ELFN2: variants seen among roughly 807,000 people sequenced by gnomAD.
ELFN2 encodes protein phosphatase 1 regulatory subunit 29.
Under a neutral mutation model 45.5 loss-of-function variants are expected in ELFN2, and 17 were observed. The ratio of observed to expected loss-of-function variants is 0.37; its 90% CI spans 0.26 to 0.56. ELFN2 has a LOEUF of 0.56. Among genes scored for constraint, ELFN2 ranks in the 20% least tolerant of loss-of-function variants. The pLI is 0.77. For missense variants in ELFN2, 922 were observed against 1,183.2 expected (o/e 0.78, Z 3.24); for synonymous variants, 550 against 551.5 (o/e 1.00, Z 0.04).
At position 37,368,262 on chromosome 22, in the gene ELFN2, TG is replaced by T. The variant is rs1931253163; in HGVS notation, c.*4809del. 1.4e-5 allele frequency: 2 copies of T among 147,924 alleles called. No individual in the cohort carries two copies. Among genetic ancestry groups the T allele is most frequent in the South Asian group, 4.5e-4 (2 of 4,422 alleles). The allele number at this position is 147,924 out of a possible 1,614,324, so 9.2% of individuals were successfully genotyped here. ...ACCAGGTGCCCAACCACAGCCAACT[TG>T]GGGACTGGCGGCTCCTGAGGAAGGG... On this transcript the variant is annotated 3_prime_UTR_variant, in exon 3 of 3. Transcript: ENST00000402918.
chr22:37,375,682 A>G lies in ELFN2; in HGVS notation c.-148T>C. ...GGCCCCAGGCAAGGTGGGTACAGCT[A>G]GTGCCAACTGCTGGGGATCTTCTAG... is the stretch of plus-strand genomic sequence containing the variant. On this transcript the variant is annotated 5_prime_UTR_variant, in exon 3 of 3. Coordinates refer to ENST00000402918, the MANE Select transcript of ELFN2 (RefSeq NM_052906.5). The G allele has an allele frequency of 1.1e-6, 1 of 880,764 alleles. No individual in the cohort carries two copies. The highest frequency in any genetic ancestry group is 1.7e-6 in the Non-Finnish European group (1 of 582,268). The allele number at this position is 880,764 out of a possible 1,614,324, so 54.6% of individuals were successfully genotyped here. A position where few individuals can be genotyped will look rare whatever the true frequency, so the allele number is the denominator to read the frequency against.
At position 37,373,801 on chromosome 22, in the gene ELFN2, G is replaced by A. The variant is rs1459700772; in HGVS notation, c.1734C>T (p.Cys578=). 4 of 1,611,532 alleles carry A rather than the reference G, an allele frequency of 2.5e-6. No individual in the cohort carries two copies. The highest frequency in any genetic ancestry group is 1.1e-5 in the South Asian group (1 of 90,994). ...CGGCAGCAGCTGCAGGGAGGGACTG[G>A]CACTCGAAGGCCAGCTCGGGGTCCC... ...SSGDPELAFE[C]QSLPAAAAAS... Residue 578 remains cysteine, a synonymous_variant, in exon 3 of 3, where the codon TGC becomes TGT. Transcript: ENST00000402918.
At chr22:37,380,513 G>T (rs1438092763) in intron 2 of ELFN2, among the ~76,000 whole-genome samples, 3 of 152,212 alleles carry the variant, frequency 2.0e-5, no homozygotes, top group African/African-American at 7.2e-5. Flanking sequence ...CCAGGAGCAG[G>T]TGGGGGGAAG....
At chr22:37,403,362 G>A (rs1157936932) in intron 2 of ELFN2, among the ~76,000 whole-genome samples, 1 of 152,152 alleles carries the variant, frequency 6.6e-6, no homozygotes, top group Non-Finnish European at 1.5e-5. Flanking sequence ...CATCCCTAGG[G>A]CAGAGGGCAG....
At chr22:37,347,981 G>A (rs1224658946) in intron 1 of ELFN2, among the ~76,000 whole-genome samples, 1 of 152,196 alleles carries the variant, frequency 6.6e-6, no homozygotes, top group African/African-American at 2.4e-5. Context: ...TCTTGTGAAG[G>A]TGGGAGTCCC....
At chr22:37,386,687 GC>G (rs1157166867) in intron 2 of ELFN2, among the ~76,000 whole-genome samples, 4 of 152,208 alleles carry the variant, frequency 2.6e-5, no homozygotes, top group African/African-American at 9.6e-5. Flanking sequence ...TCGACATCGA[GC>G]CCCGGAAACT....
chr22:37,355,652 T>A (rs1930931623), intron 1 of ELFN2, among the ~76,000 whole-genome samples: 1 of 152,106 alleles, frequency 6.6e-6, no homozygotes, highest in South Asian at 2.1e-4. Context: ...TCTTCTACAC[T>A]CAAGTATCAG....
intron 1 of ELFN2, among the ~76,000 whole-genome samples, chr22:37,426,035 C>T (rs1452446563): frequency 1.8e-4 from 27 of 152,070 alleles, no homozygotes; most frequent in Non-Finnish European, 3.8e-4. Flanking sequence ...TTTCTGACTC[C>T]GACAGCCTGG....
chr22:37,402,330 C>T (rs9306317), intron 2 of ELFN2, among the ~76,000 whole-genome samples: 5 of 152,034 alleles, frequency 3.3e-5, no homozygotes, highest in African/African-American at 9.7e-5. Context: ...TGGCAGACTC[C>T]GTGTTGACAC....
intron 2 of ELFN2, among the ~76,000 whole-genome samples, chr22:37,391,906 A>G (rs1443893004): frequency 1.3e-5 from 2 of 152,226 alleles, no homozygotes; most frequent in African/African-American, 4.8e-5. Flanking sequence ...CCTGAGCCCA[A>G]CTGGCCCTCG....
At chr22:37,402,544 G>A (rs1601763370) in intron 2 of ELFN2, among the ~76,000 whole-genome samples, 2 of 152,178 alleles carry the variant, frequency 1.3e-5, no homozygotes, top group Non-Finnish European at 1.5e-5. Context: ...CCAGCTGACC[G>A]ATAAGGAAAC....
chr22:37,417,392 A>T lies in ELFN2; in HGVS notation c.-463+377T>A, dbSNP rs73414219. On this transcript the variant is annotated intron_variant, in intron 2 of 2. Coordinates refer to ENST00000402918, the MANE Select transcript of ELFN2 (RefSeq NM_052906.5). The surrounding 1 kb of genome is among the most constrained non-coding windows in gnomAD (Gnocchi z 4.5). ...ATGTTGTCCCAGGCCTTCCCCTGGA[A>T]GCTGGCTCTCCACCCCCAGCAGGTG... 0.017 allele frequency among the ~76,000 whole-genome samples: 2,557 copies of T among 152,254 alleles called. 75 individuals carry two copies. Among genetic ancestry groups the T allele is most frequent in the African/African-American group, 0.059 (2,451 of 41,540 alleles).
chr22:37,401,049 G>C (rs998726520), intron 2 of ELFN2, among the ~76,000 whole-genome samples: 1 of 152,244 alleles, frequency 6.6e-6, no homozygotes, highest in Non-Finnish European at 1.5e-5. Context: ...GGAAGCCCAC[G>C]GCTCCAAGGG....
At chr22:37,394,467 G>A (rs1017111950) in intron 2 of ELFN2, among the ~76,000 whole-genome samples, 1 of 152,192 alleles carries the variant, frequency 6.6e-6, no homozygotes, top group African/African-American at 2.4e-5. Context: ...CCGGCCGCCT[G>A]TTCCAGGCTC....
chr22:37,386,027 C>T (rs2145651993), intron 2 of ELFN2, among the ~76,000 whole-genome samples: 1 of 152,264 alleles, frequency 6.6e-6, no homozygotes, highest in East Asian at 1.9e-4. Context: ...GGGAGAGGTC[C>T]CCAACCAAGG....
At chr22:37,413,423 A>C (rs2145683995) in intron 2 of ELFN2, among the ~76,000 whole-genome samples, 1 of 151,822 alleles carries the variant, frequency 6.6e-6, no homozygotes, top group African/African-American at 2.4e-5. Flanking sequence ...AAAGCTTGGC[A>C]TGGTGGTATG....
At chr22:37,358,244 G>A (rs1441341327) in intron 1 of ELFN2, among the ~76,000 whole-genome samples, 1 of 152,146 alleles carries the variant, frequency 6.6e-6, no homozygotes, top group Non-Finnish European at 1.5e-5. Flanking sequence ...TGAACCTACA[G>A]TAAGTTCAAA....
At chr22:37,354,538 A>G (rs927550753) in intron 1 of ELFN2, 4 of 133,662 alleles carry the variant, frequency 3.0e-5, no homozygotes, top group Admixed American at 1.4e-4. Context: ...TAAAAAGAAA[A>G]AAAGAAACAC....
At chr22:37,420,314 C>G (rs1368560728) in intron 1 of ELFN2, 3 of 152,396 alleles carry the variant, frequency 2.0e-5, no homozygotes, top group Admixed American at 2.0e-4. Flanking sequence ...ACGGACAATC[C>G]CAGCCGGCCT....
Sources: allele counts gnomAD v4.1 joint callset (sites outside exome capture counted in the v4.1 genomes callset), GRCh38; gene constraint gnomAD v4.1.1; non-coding constraint Gnocchi (gnomAD v3.1); transcripts MANE v1.5; gene names NCBI Gene and HGNC (gene_info 2026-07-23, HGNC 2026-07-21).